The following FSTL4 variants were observed in gnomAD, a reference collection of about 807,000 sequenced individuals.
FSTL4 encodes follistatin like 4.
In FSTL4, 28 loss-of-function variants were observed where a neutral mutation model predicts 78.2. The observed-to-expected ratio is 0.36, with a 90% CI of 0.27 to 0.49. The LOEUF (loss-of-function observed/expected upper bound fraction) is 0.49, where lower values mean the gene tolerates loss of function less well. Ranked by LOEUF, FSTL4 falls within the 20% of genes least tolerant of loss-of-function variation. The probability of loss-of-function intolerance (pLI) is 0.98; values close to 1 mark genes in which losing one functional copy is unlikely to be tolerated. For synonymous variants in FSTL4, 422 were observed against 440.5 expected (o/e 0.96, Z 0.53); for missense variants, 922 against 1,084.9 (o/e 0.85, Z 2.11).
At chr5:133,233,257 G>A (rs1751548942) in intron 8 of FSTL4, among the ~76,000 whole-genome samples, 160 bp downstream of exon 8, 1 of 152,250 alleles carries the variant, frequency 6.6e-6, no homozygotes, top group African/African-American at 2.4e-5. Flanking sequence ...AACAGACTTT[G>A]CCCTTTCCAC....
intron 6 of FSTL4, among the ~76,000 whole-genome samples, chr5:133,297,802 G>A (rs112493288): frequency 0.01 from 1,533 of 152,276 alleles, 30 homozygotes; most frequent in African/African-American, 0.035. Flanking sequence ...GGACTCTGCT[G>A]GGTAGCACAG....
the FSTL4 span, among the ~76,000 whole-genome samples, chr5:133,674,368 G>A: frequency 0.016 from 2,376 of 152,178 alleles, 60 homozygotes; most frequent in African/African-American, 0.054. Context: ...CTGCAGTTCT[G>A]GCCTTTAGAT....
chr5:133,355,464 T>C (rs181391004), intron 4 of FSTL4, among the ~76,000 whole-genome samples: 1 of 152,298 alleles, frequency 6.6e-6, no homozygotes, highest in East Asian at 1.9e-4. Context: ...GAGACCATCC[T>C]GGCCAACATG....
the FSTL4 span, among the ~76,000 whole-genome samples, chr5:133,736,108 C>G: frequency 3.9e-5 from 6 of 152,164 alleles, no homozygotes; most frequent in Admixed American, 3.9e-4. Flanking sequence ...TGTGCAGGGC[C>G]TTGCAGACCA....
At chr5:133,639,188 G>C in the FSTL4 span, among the ~76,000 whole-genome samples, 2 of 151,844 alleles carry the variant, frequency 1.3e-5, no homozygotes, top group Admixed American at 6.6e-5. Context: ...CATCATTCTC[G>C]GCAAACAACA....
the FSTL4 span, among the ~76,000 whole-genome samples, chr5:133,679,921 AGAAG>A: frequency 2.0e-5 from 3 of 152,068 alleles, no homozygotes; most frequent in East Asian, 5.8e-4. Flanking sequence ...TACTCTCCCA[AGAAG>A]TCCACCCCAT....
At chr5:133,697,299 C>A in the FSTL4 span, among the ~76,000 whole-genome samples, 1 of 152,150 alleles carries the variant, frequency 6.6e-6, no homozygotes, top group Non-Finnish European at 1.5e-5. Flanking sequence ...CTCAGGCAAC[C>A]CCGGGTGAAA....
At chr5:133,247,172 C>G (rs1460173710) in intron 7 of FSTL4, 8 of 152,070 alleles carry the variant, frequency 5.3e-5, no homozygotes, top group Admixed American at 5.2e-4. Context: ...CTGAGAAGCA[C>G]TGGGCCCTGC....
chr5:133,620,138 A>T, the FSTL4 span, among the ~76,000 whole-genome samples: 1 of 152,236 alleles, frequency 6.6e-6, no homozygotes, highest in Non-Finnish European at 1.5e-5. Flanking sequence ...AAAATCCTTG[A>T]CAGTGCCTCA....
the FSTL4 span, among the ~76,000 whole-genome samples, chr5:133,649,504 G>A: frequency 6.6e-6 from 1 of 152,210 alleles, no homozygotes; most frequent in South Asian, 2.1e-4. Context: ...CAGTAAATGA[G>A]CATTTCTGTT....
chr5:133,398,578 T>C (rs1756133139), intron 4 of FSTL4, among the ~76,000 whole-genome samples: 1 of 152,142 alleles, frequency 6.6e-6, no homozygotes, highest in African/African-American at 2.4e-5. Flanking sequence ...CCACGCTGGA[T>C]TAGAATAAAT....
At chr5:133,321,568 G>A (rs1278415968) in intron 4 of FSTL4, among the ~76,000 whole-genome samples, 5 of 152,188 alleles carry the variant, frequency 3.3e-5, no homozygotes, top group African/African-American at 9.7e-5. Context: ...GTGGCAGGCC[G>A]GGCGCGGTGG....
At chr5:133,589,286 T>TAAA (rs113649317) in intron 2 of FSTL4, among the ~76,000 whole-genome samples, 1 of 80,380 alleles carries the variant, frequency 1.2e-5, no homozygotes, top group Non-Finnish European at 2.7e-5. Context: ...TAGAGTATAA[T>TAAA]AAAAAAAAAA....
intron 4 of FSTL4, among the ~76,000 whole-genome samples, chr5:133,381,650 A>G (rs1305819589): frequency 1.3e-5 from 2 of 152,216 alleles, no homozygotes; most frequent in Non-Finnish European, 2.9e-5. Flanking sequence ...TCATTCTTTC[A>G]ACTGCATGTA....
intron 4 of FSTL4, among the ~76,000 whole-genome samples, chr5:133,387,382 C>T (rs899113878): frequency 5.9e-5 from 9 of 152,126 alleles, no homozygotes; most frequent in African/African-American, 1.7e-4. Flanking sequence ...CAGCCCCTGG[C>T]GGTGGGCTGG....
intron 8 of FSTL4, among the ~76,000 whole-genome samples, chr5:133,231,945 C>T (rs570050613): frequency 2.6e-5 from 4 of 152,098 alleles, no homozygotes; most frequent in Non-Finnish European, 5.9e-5. Flanking sequence ...TGAAAGGCAG[C>T]GTAAATAGAT....
At chr5:133,239,864 T>C (rs915924675) in intron 7 of FSTL4, among the ~76,000 whole-genome samples, 10 of 152,224 alleles carry the variant, frequency 6.6e-5, no homozygotes, top group Non-Finnish European at 1.5e-4. Context: ...ATCAGCACCC[T>C]GTCAAAACGG....
In FSTL4 at chr5:133,611,128, A is replaced by C. The variant is rs868540296; in HGVS notation, c.-11+1197T>G. On this transcript the variant is annotated intron_variant, in intron 1 of 15. Coordinates refer to ENST00000265342, the MANE Select transcript of FSTL4 (RefSeq NM_015082.2). The surrounding 1 kb of genome is among the most constrained non-coding windows in gnomAD (Gnocchi z 4.9). ...GGGAGCGGCGGGCTGTGGCCGCGCCATTCATCAGTGTCGGCGGCCCGCGGC... is the reference window on the plus strand; with the variant it reads ...GGGAGCGGCGGGCTGTGGCCGCGCCCTTCATCAGTGTCGGCGGCCCGCGGC... 1.3e-5 allele frequency among the ~76,000 whole-genome samples: 2 copies of C among 151,882 alleles called. No homozygotes were observed. The highest frequency in any genetic ancestry group is 4.8e-5 in the African/African-American group (2 of 41,344).
At chr5:133,332,013 C>G (rs56223626) in intron 4 of FSTL4, among the ~76,000 whole-genome samples, 1 of 152,010 alleles carries the variant, frequency 6.6e-6, no homozygotes, top group Non-Finnish European at 1.5e-5. Context: ...TGAGCTGATG[C>G]GCAGGCTGTG....
Sources: allele counts gnomAD v4.1 joint callset (sites outside exome capture counted in the v4.1 genomes callset), GRCh38; gene constraint gnomAD v4.1.1; non-coding constraint Gnocchi (gnomAD v3.1); transcripts MANE v1.5; gene names NCBI Gene and HGNC (gene_info 2026-07-23, HGNC 2026-07-21).